Variants in ZZZ3 observed in about 807,000 individuals in gnomAD.
ZZZ3 encodes the protein ZZ-type zinc finger-containing protein 3.
ZZZ3 carries 22 observed loss-of-function variants against 95.2 expected under a neutral mutation model. The observed-to-expected ratio is 0.23, with a 90% CI of 0.17 to 0.33. The LOEUF (loss-of-function observed/expected upper bound fraction) is 0.33, where lower values mean the gene tolerates loss of function less well. Among genes scored for constraint, ZZZ3 ranks in the 10% least tolerant of loss-of-function variants. The pLI is 1.00. For synonymous variants in ZZZ3, 335 were observed against 358.9 expected, an observed-to-expected ratio of 0.93 and a Z score of 0.75; for missense variants, 885 against 1,066.5, an observed-to-expected ratio of 0.83 and a Z score of 2.37.
intron 5 of ZZZ3, among the ~76,000 whole-genome samples, chr1:77,601,430 C>T (rs565537953): frequency 2.0e-5 from 3 of 151,648 alleles, no homozygotes; most frequent in East Asian, 1.9e-4. Flanking sequence ...CAAGAAATTG[C>T]GATGGGAAGA....
upstream of ZZZ3, chr1:77,683,114 TC>T: frequency 7.5e-6 from 1 of 133,308 alleles, no homozygotes; most frequent in African/African-American, 2.8e-5. Context: ...GTCGCAGCCG[TC>T]GCAGTCGTCG....
intron 1 of ZZZ3, among the ~76,000 whole-genome samples, chr1:77,642,682 A>T (rs1397815870): frequency 6.6e-6 from 1 of 152,162 alleles, no homozygotes; most frequent in Non-Finnish European, 1.5e-5. Flanking sequence ...GAGCCCCGGA[A>T]ATTGAGGCTG....
At chr1:77,663,234 T>C (rs1012565246) in intron 1 of ZZZ3, among the ~76,000 whole-genome samples, 1 of 152,214 alleles carries the variant, frequency 6.6e-6, no homozygotes, top group African/African-American at 2.4e-5. Context: ...ATTAGGATAA[T>C]TGAAAAAATT....
At chr1:77,668,216 T>A (rs1671424852) in intron 1 of ZZZ3, among the ~76,000 whole-genome samples, 1 of 152,236 alleles carries the variant, frequency 6.6e-6, no homozygotes, top group African/African-American at 2.4e-5. Flanking sequence ...CCTATCAGTA[T>A]TGATTGCTTA....
intron 5 of ZZZ3, among the ~76,000 whole-genome samples, chr1:77,628,273 C>G (rs1296738738): frequency 1.3e-5 from 2 of 152,130 alleles, no homozygotes; most frequent in South Asian, 2.1e-4. Flanking sequence ...GATCAAAGAG[C>G]CTTCAGATAA....
At chr1:77,680,114 C>A (rs536536134) in intron 1 of ZZZ3, among the ~76,000 whole-genome samples, 1 of 152,120 alleles carries the variant, frequency 6.6e-6, no homozygotes, top group African/African-American at 2.4e-5. Flanking sequence ...AATAATAAAA[C>A]GTACTTAACA....
intron 1 of ZZZ3, among the ~76,000 whole-genome samples, chr1:77,658,257 T>A (rs1276118900): frequency 6.7e-6 from 1 of 149,278 alleles, no homozygotes; most frequent in East Asian, 2.0e-4. Context: ...ATTTTAAAAA[T>A]CAGAATTCAC....
At chr1:77,673,395 G>A (rs988654328) in intron 1 of ZZZ3, among the ~76,000 whole-genome samples, 7 of 151,990 alleles carry the variant, frequency 4.6e-5, no homozygotes, top group African/African-American at 9.7e-5. Context: ...TCAGGGGTTC[G>A]AAACCAGCCT....
intron 5 of ZZZ3, among the ~76,000 whole-genome samples, chr1:77,610,574 G>C (rs1293859809): frequency 6.6e-6 from 1 of 151,146 alleles, no homozygotes; most frequent in Non-Finnish European, 1.5e-5. Context: ...CAAAATACAA[G>C]CAAACAAAAT....
chr1:77,651,921 C>T (rs544958822), intron 1 of ZZZ3, among the ~76,000 whole-genome samples: 3 of 150,374 alleles, frequency 2.0e-5, no homozygotes, highest in Non-Finnish European at 4.4e-5. Flanking sequence ...GGGGCTGAGG[C>T]AGGAGAATCA....
At chr1:77,611,505 A>G (rs774030433) in intron 5 of ZZZ3, among the ~76,000 whole-genome samples, 3 of 152,080 alleles carry the variant, frequency 2.0e-5, no homozygotes, top group Non-Finnish European at 2.9e-5. Flanking sequence ...ATGGAACCAC[A>G]AAAGACTCCA....
intron 1 of ZZZ3, among the ~76,000 whole-genome samples, chr1:77,658,178 C>CAAAAAA (rs1186224710): frequency 1.4e-4 from 11 of 76,294 alleles, no homozygotes; most frequent in African/African-American, 1.9e-4. Flanking sequence ...GACTTTGTCT[C>CAAAAAA]AAAAAAAAAA....
intron 5 of ZZZ3, 160 bp downstream of exon 5, chr1:77,631,690 T>C: frequency 1.8e-6 from 1 of 558,710 alleles, no homozygotes. Flanking sequence ...AGTTTAAGTC[T>C]TTTTTTGGAG....
At chr1:77,617,336 TC>T (rs1253695460) in intron 5 of ZZZ3, among the ~76,000 whole-genome samples, 1 of 152,204 alleles carries the variant, frequency 6.6e-6, no homozygotes. Flanking sequence ...TCATCTGCTT[TC>T]AGTCTCTATA....
intron 1 of ZZZ3, among the ~76,000 whole-genome samples, chr1:77,673,612 A>T (rs1671984580): frequency 6.6e-6 from 1 of 152,112 alleles, no homozygotes; most frequent in Non-Finnish European, 1.5e-5. Flanking sequence ...CACAAATAAA[A>T]GTTGCACTTT....
chr1:77,653,019 T>C (rs1400580924), intron 1 of ZZZ3, among the ~76,000 whole-genome samples: 3 of 152,194 alleles, frequency 2.0e-5, no homozygotes, highest in Admixed American at 1.3e-4. Flanking sequence ...AGACCTTGTT[T>C]CTACAAAAAA....
At chr1:77,610,962 T>C (rs910827102) in intron 5 of ZZZ3, among the ~76,000 whole-genome samples, 2 of 151,926 alleles carry the variant, frequency 1.3e-5, no homozygotes, top group African/African-American at 4.8e-5. Context: ...ATAGAAGTCC[T>C]AGACACAGCA....
chr1:77,629,888 G>A (rs1326452185), intron 5 of ZZZ3, among the ~76,000 whole-genome samples: 1 of 152,092 alleles, frequency 6.6e-6, no homozygotes, highest in Admixed American at 6.5e-5. Context: ...CATCCTCAAA[G>A]GGTTATGAAT....
intron 1 of ZZZ3, among the ~76,000 whole-genome samples, chr1:77,650,181 ACACT>A (rs1161706955): frequency 1.3e-5 from 2 of 152,212 alleles, no homozygotes; most frequent in Admixed American, 6.5e-5. Flanking sequence ...CATGTTTAAA[ACACT>A]CAATCCAAAG....
Sources: gnomAD v4.1 joint callset for allele counts (sites outside exome capture counted in the v4.1 genomes callset) on GRCh38, gnomAD v4.1.1 for gene constraint, MANE v1.5 for transcripts, NCBI Gene and HGNC (gene_info 2026-07-23, HGNC 2026-07-21) for gene names.